Variants in PCDH15 observed in about 807,000 individuals in gnomAD.
PCDH15 encodes protocadherin-15.
Under a neutral mutation model 178.5 loss-of-function variants are expected in PCDH15, and 129 were observed. That is an observed-to-expected ratio of 0.72 (90% CI 0.63 to 0.84). The LOEUF (loss-of-function observed/expected upper bound fraction) is 0.84. PCDH15 is among the 40% of genes least tolerant of loss of function. The probability of loss-of-function intolerance (pLI) is 0.00; values close to 1 mark genes in which losing one functional copy is unlikely to be tolerated. For missense variants in PCDH15, 2,230 were observed against 2,099.9 expected (o/e 1.06, Z -1.21); for synonymous variants, 800 against 732.0 (o/e 1.09, Z -1.50).
intron 21 of PCDH15, among the ~76,000 whole-genome samples, chr10:53,964,494 A>T (rs1487856933): frequency 2.5e-5 from 2 of 79,782 alleles, no homozygotes; most frequent in African/African-American, 9.4e-5. Context: ...AATTATTTAT[A>T]AAAATTTTAT....
intron 2 of PCDH15, among the ~76,000 whole-genome samples, chr10:55,604,655 T>A (rs1177046535): frequency 1.3e-5 from 2 of 148,374 alleles, no homozygotes; most frequent in Non-Finnish European, 3.0e-5. Context: ...ACTGGGTACA[T>A]AACGAAATGA....
At chr10:54,348,288 GT>G (rs987994698) in intron 5 of PCDH15, among the ~76,000 whole-genome samples, 56 of 152,310 alleles carry the variant, frequency 3.7e-4, no homozygotes, top group African/African-American at 1.3e-3. Context: ...GTACAAGGAA[GT>G]TCAGGATTTA....
intron 8 of PCDH15, among the ~76,000 whole-genome samples, chr10:54,260,986 C>G (rs1236499080): frequency 6.6e-6 from 1 of 152,160 alleles, no homozygotes; most frequent in Admixed American, 6.5e-5. Context: ...GTAATGACCG[C>G]TGTTGGTTTG....
chr10:54,284,997 G>T (rs535755289), intron 8 of PCDH15, among the ~76,000 whole-genome samples: 3 of 152,066 alleles, frequency 2.0e-5, no homozygotes, highest in Admixed American at 6.6e-5. Flanking sequence ...GCTTTATGTT[G>T]ACTATGCAAA....
At chr10:54,171,415 T>C (rs2046892754) in intron 13 of PCDH15, among the ~76,000 whole-genome samples, 1 of 152,248 alleles carries the variant, frequency 6.6e-6, no homozygotes, top group East Asian at 1.9e-4. Flanking sequence ...GCGGTATAGA[T>C]GCTCCTTTTT....
intron 3 of PCDH15, among the ~76,000 whole-genome samples, chr10:54,493,980 G>A (rs532662582): frequency 2.4e-4 from 36 of 150,568 alleles, no homozygotes; most frequent in African/African-American, 7.6e-4. Flanking sequence ...GTAAACTATC[G>A]CAAGGACAAA....
chr10:55,454,838 A>C (rs1351990354), intron 2 of PCDH15, among the ~76,000 whole-genome samples: 2 of 151,620 alleles, frequency 1.3e-5, no homozygotes, highest in East Asian at 3.9e-4. Context: ...ATTGGCAAAT[A>C]AAATATAAAT....
chr10:53,959,658 A>G (rs1387824683), intron 23 of PCDH15, 74 bp downstream of exon 23: 4 of 1,121,328 alleles, frequency 3.6e-6, no homozygotes, highest in Non-Finnish European at 5.3e-6. Flanking sequence ...TTCATATTAC[A>G]TCAATTTTGA....
intron 2 of PCDH15, among the ~76,000 whole-genome samples, chr10:55,156,399 C>T (rs1220352908): frequency 6.6e-6 from 1 of 152,034 alleles, no homozygotes; most frequent in Non-Finnish European, 1.5e-5. Context: ...GCCAGTTTTC[C>T]CTAAGGCGGC....
At chr10:55,483,304 G>T (rs548708595) in intron 2 of PCDH15, among the ~76,000 whole-genome samples, 1 of 151,584 alleles carries the variant, frequency 6.6e-6, no homozygotes, top group Non-Finnish European at 1.5e-5. Flanking sequence ...ATAAAAAAGT[G>T]GGCAAAGTAC....
intron 25 of PCDH15, among the ~76,000 whole-genome samples, chr10:53,915,859 T>C (rs2083486373): frequency 6.6e-6 from 1 of 152,086 alleles, no homozygotes; most frequent in South Asian, 2.1e-4. Context: ...GCCCGGCCCG[T>C]ATTTGTATAA....
At chr10:54,376,723 T>C (rs1948497064) in intron 4 of PCDH15, among the ~76,000 whole-genome samples, 1 of 151,894 alleles carries the variant, frequency 6.6e-6, no homozygotes, top group African/African-American at 2.4e-5. Context: ...ATTATTTTAT[T>C]TCAGACATTA....
At chr10:54,949,000 A>G (rs1159296637) in intron 2 of PCDH15, among the ~76,000 whole-genome samples, 2 of 150,120 alleles carry the variant, frequency 1.3e-5, no homozygotes, top group East Asian at 1.9e-4. Flanking sequence ...ACATATAGAC[A>G]TTAGTAAATA....
intron 6 of PCDH15, among the ~76,000 whole-genome samples, chr10:54,339,727 A>T (rs1385054193): frequency 6.6e-6 from 1 of 152,182 alleles, no homozygotes; most frequent in Non-Finnish European, 1.5e-5. Context: ...ATATCACTTT[A>T]CCAAGAACTC....
intron 3 of PCDH15, among the ~76,000 whole-genome samples, chr10:54,475,068 T>C (rs1419715430): frequency 6.6e-6 from 1 of 151,930 alleles, no homozygotes; most frequent in Non-Finnish European, 1.5e-5. Context: ...AGACTTTTAA[T>C]TGGGCTACTT....
intron 2 of PCDH15, among the ~76,000 whole-genome samples, chr10:55,114,778 C>T (rs1325790060): frequency 1.3e-5 from 2 of 152,164 alleles, no homozygotes; most frequent in East Asian, 1.9e-4. Context: ...CAGATTTTCC[C>T]ACCATGCTCT....
chr10:54,138,295 T>C (rs1352773466), intron 14 of PCDH15, among the ~76,000 whole-genome samples: 1 of 151,968 alleles, frequency 6.6e-6, no homozygotes, highest in South Asian at 2.1e-4. Context: ...GACTAGACAG[T>C]GGGATTGGCT....
intron 1 of PCDH15, among the ~76,000 whole-genome samples, chr10:55,193,325 T>C (rs892618439): frequency 6.6e-6 from 1 of 152,018 alleles, no homozygotes; most frequent in Non-Finnish European, 1.5e-5. Flanking sequence ...ACCTTGATTA[T>C]ATTTAGATTT....
chr10:55,442,459 ATATATATATAT>A (rs1380226462), intron 2 of PCDH15, among the ~76,000 whole-genome samples: 6 of 71,482 alleles, frequency 8.4e-5, no homozygotes, highest in South Asian at 4.7e-4. Context: ...ATTTGATTAT[ATATATATATAT>A]TATATATATA....
Sources: allele counts gnomAD v4.1 joint callset (sites outside exome capture counted in the v4.1 genomes callset), GRCh38; gene constraint gnomAD v4.1.1; transcripts MANE v1.5; gene names NCBI Gene and HGNC (gene_info 2026-07-23, HGNC 2026-07-21).